Variants in PIP4K2B observed in about 807,000 individuals in gnomAD.
PIP4K2B encodes the protein phosphatidylinositol 5-phosphate 4-kinase type-2 beta.
A neutral mutation model predicts 42.0 loss-of-function variants in PIP4K2B; 3 were observed. That is an observed-to-expected ratio of 0.07 (90% CI 0.03 to 0.18). PIP4K2B has a LOEUF of 0.18. Ranked by LOEUF, PIP4K2B falls within the 10% of genes least tolerant of loss-of-function variation. The pLI is 1.00. For synonymous variants in PIP4K2B, 204 were observed against 210.1 expected, an observed-to-expected ratio of 0.97 and a Z score of 0.25; for missense variants, 332 against 562.3, an observed-to-expected ratio of 0.59 and a Z score of 4.14.
At chr17:38,785,710 T>C (rs1401080920) in intron 2 of PIP4K2B, among the ~76,000 whole-genome samples, 1 of 151,914 alleles carries the variant, frequency 6.6e-6, no homozygotes, top group African/African-American at 2.4e-5. Context: ...CAAAAACACA[T>C]ACACAGTTGT....
chr17:38,771,150 A>G lies in PIP4K2B; in HGVS notation c.930T>C (p.Asp310=), dbSNP rs758014712. 3.0e-5 allele frequency: 48 copies of G among 1,614,028 alleles called. No individual in the cohort carries two copies. The highest frequency in any genetic ancestry group is 4.1e-5 in the Non-Finnish European group (48 of 1,179,990). The change falls in exon 8 of 10, where the codon GAT becomes GAC. Residue 310 remains aspartate, a synonymous_variant. Transcript: ENST00000619039. ...ERAEDEECEN[D]GVGGNLLCSY... is the part of the protein sequence containing the mutation. Reference sequence around the variant, plus strand: ...AGCAGAGTAGGTTGCCACCCACCCCATCATTCTCACACTCCTCGTCCTCTG... The same window carrying G: ...AGCAGAGTAGGTTGCCACCCACCCCGTCATTCTCACACTCCTCGTCCTCTG...
At chr17:38,785,824 T>C (rs2143431006) in intron 2 of PIP4K2B, among the ~76,000 whole-genome samples, 1 of 152,302 alleles carries the variant, frequency 6.6e-6, no homozygotes. Context: ...CCATGGACCC[T>C]GAAGGGGGTA....
At chr17:38,782,811 C>G (rs1909782429) in intron 3 of PIP4K2B, among the ~76,000 whole-genome samples, 1 of 152,172 alleles carries the variant, frequency 6.6e-6, no homozygotes, top group Non-Finnish European at 1.5e-5. Flanking sequence ...AAGATTTGGG[C>G]ATCCATTCTA....
intron 1 of PIP4K2B, among the ~76,000 whole-genome samples, chr17:38,797,230 A>T (rs761937194): frequency 6.6e-6 from 1 of 152,226 alleles, no homozygotes; most frequent in Non-Finnish European, 1.5e-5. Flanking sequence ...AGTAGGACTC[A>T]CAGGACTCCT....
chr17:38,791,863 G>A (rs1056723651), intron 1 of PIP4K2B, among the ~76,000 whole-genome samples: 5 of 151,070 alleles, frequency 3.3e-5, no homozygotes, highest in African/African-American at 1.2e-4. Context: ...GCCGAGGCGG[G>A]CGGATCATGA....
intron 9 of PIP4K2B, 103 bp downstream of exon 9, chr17:38,770,333 G>A (rs889017036): frequency 4.3e-5 from 31 of 725,380 alleles, no homozygotes; most frequent in Middle Eastern, 3.9e-4. Flanking sequence ...ACAGGAGTGT[G>A]TTCCTTGGAG....
chr17:38,787,858 A>G (rs552136838), intron 1 of PIP4K2B, among the ~76,000 whole-genome samples: 2 of 152,328 alleles, frequency 1.3e-5, no homozygotes, highest in Admixed American at 1.3e-4. Flanking sequence ...CTGGCCTCCC[A>G]AAGTGTTGGG....
rs751929355 is a variant in PIP4K2B at position 38,778,327 on chromosome 17, A to G, written c.693+7T>C. 2 of 1,613,800 alleles carry G rather than the reference A, an allele frequency of 1.2e-6. No individual in the cohort carries two copies. The highest frequency in any genetic ancestry group is 1.3e-5 in the African/African-American group (1 of 74,916). On this transcript the variant is annotated splice_region_variant and intron_variant, in intron 6 of 9. Coordinates refer to ENST00000619039, the MANE Select transcript of PIP4K2B (RefSeq NM_003559.5). ...GACCCTTCCATTCCTGCTCAGCACC[A>G]GCATACCTTCTCCTTGTCGCTCGCT...
intron 1 of PIP4K2B, among the ~76,000 whole-genome samples, chr17:38,794,520 A>G (rs1405002856): frequency 6.7e-6 from 1 of 149,880 alleles, no homozygotes; most frequent in Non-Finnish European, 1.5e-5. Flanking sequence ...GAAGAAGAAG[A>G]AAGAAAGAGC....
At chr17:38,775,980 C>CTTTTTTTTTTTTTT (rs562942370) in intron 7 of PIP4K2B, 1 of 400,648 alleles carries the variant, frequency 2.5e-6, no homozygotes. Context: ...TGTTTGCTTC[C>CTTTTTTTTTTTTTT]TTTTTTTTTT....
chr17:38,781,335 G>A (rs1909700631), intron 3 of PIP4K2B, among the ~76,000 whole-genome samples: 1 of 151,986 alleles, frequency 6.6e-6, no homozygotes, highest in Non-Finnish European at 1.5e-5. Flanking sequence ...CCTTAAGAGG[G>A]AGGGTGTGGG....
At position 38,769,496 on chromosome 17, in the gene PIP4K2B, TGC is replaced by T; in HGVS notation, c.*193_*194del. The T allele has an allele frequency of 1.6e-6, 1 of 611,342 alleles. No homozygotes were observed. Among genetic ancestry groups the T allele is most frequent in the Middle Eastern group, 4.1e-4 (1 of 2,466 alleles). 37.9% of individuals were successfully genotyped at this position (611,342 alleles called of 1,614,324 possible). A position where few individuals can be genotyped will look rare whatever the true frequency, so the allele number is the denominator to read the frequency against. On this transcript the variant is annotated 3_prime_UTR_variant, in exon 10 of 10. Coordinates refer to ENST00000619039, the MANE Select transcript of PIP4K2B (RefSeq NM_003559.5). ...GGTGGGGTTACATCCTGTGAGCAGGTGCACACACAGCACATCCCCCTCCTCTT... is the reference window on the plus strand; with the variant it reads ...GGTGGGGTTACATCCTGTGAGCAGGTACACACAGCACATCCCCCTCCTCTT...
chr17:38,771,312 G>A lies in PIP4K2B; in HGVS notation c.808-40C>T, dbSNP rs144440638. The stretch of plus-strand genomic sequence containing the variant: ...GATGGAAAGATGGAAGGAAGAAGAG[G>A]TTACACAGGACATCCCAGTGACATC... On this transcript the variant is annotated intron_variant, in intron 7 of 9. Transcript: ENST00000619039. 2.2e-5 allele frequency: 35 copies of A among 1,611,208 alleles called. No individual in the cohort carries two copies. In the African/African-American group the frequency reaches 4.3e-4, roughly 20 times the overall value.
intron 3 of PIP4K2B, 81 bp from the exon 4 acceptor site, chr17:38,780,685 G>C (rs1404377724): frequency 7.0e-7 from 1 of 1,428,472 alleles, no homozygotes; most frequent in Non-Finnish European, 9.6e-7. Flanking sequence ...TCAGGGGCTG[G>C]ACTGCTTGAA....
chr17:38,799,210 A>C lies in PIP4K2B; in HGVS notation c.159+56T>G. On this transcript the variant is annotated intron_variant, in intron 1 of 9. Coordinates refer to ENST00000619039, the MANE Select transcript of PIP4K2B (RefSeq NM_003559.5). The surrounding 1 kb of genome is among the most constrained non-coding windows in gnomAD (Gnocchi z 4.4). The stretch of plus-strand genomic sequence containing the variant: ...CTGCGGGGCAAGGGCCCAGGGCTGC[A>C]GGGGGCGTGGGAGCGCGCGGGGCCG... The C allele has an allele frequency of 6.6e-7, 1 of 1,513,478 alleles. No homozygotes were observed. The highest frequency in any genetic ancestry group is 2.1e-5 in the Admixed American group (1 of 48,206). The allele number at this position is 1,513,478 out of a possible 1,614,324, so 93.8% of individuals were successfully genotyped here.
intron 1 of PIP4K2B, among the ~76,000 whole-genome samples, chr17:38,796,437 C>G (rs1374358832): frequency 1.3e-5 from 2 of 152,168 alleles, no homozygotes; most frequent in Non-Finnish European, 2.9e-5. Flanking sequence ...GTCTACCTCC[C>G]ATGGTCTCCA....
intron 1 of PIP4K2B, among the ~76,000 whole-genome samples, chr17:38,787,624 G>A (rs1433780103): frequency 3.9e-5 from 6 of 152,014 alleles, no homozygotes; most frequent in African/African-American, 1.2e-4. Context: ...ACGGAGTTTT[G>A]CTGTTGTTGC....
intron 7 of PIP4K2B, among the ~76,000 whole-genome samples, chr17:38,776,297 A>T (rs1006264848): frequency 3.3e-5 from 5 of 152,138 alleles, no homozygotes; most frequent in Admixed American, 6.5e-5. Context: ...TGAAGTTCCT[A>T]GAGTAGTCAA....
At chr17:38,787,754 C>T (rs1031572629) in intron 1 of PIP4K2B, among the ~76,000 whole-genome samples, 2 of 152,072 alleles carry the variant, frequency 1.3e-5, no homozygotes, top group African/African-American at 2.4e-5. Context: ...CCACCATGTC[C>T]AGCTAATTTT....
Sources: allele counts gnomAD v4.1 joint callset (sites outside exome capture counted in the v4.1 genomes callset), GRCh38; gene constraint gnomAD v4.1.1; non-coding constraint Gnocchi (gnomAD v3.1); transcripts MANE v1.5; gene names NCBI Gene and HGNC (gene_info 2026-07-23, HGNC 2026-07-21).